Variants in CACNA2D3 observed in about 807,000 individuals in gnomAD.
The protein encoded by CACNA2D3 is calcium voltage-gated channel auxiliary subunit alpha2delta 3.
In CACNA2D3, 60 loss-of-function variants were observed where a neutral mutation model predicts 160.6. The observed-to-expected ratio is 0.37, with a 90% CI of 0.30 to 0.46. The LOEUF (loss-of-function observed/expected upper bound fraction) is 0.46. Among genes scored for constraint, CACNA2D3 ranks in the 20% least tolerant of loss-of-function variants. The pLI is 1.00. For missense variants in CACNA2D3, 1,205 were observed against 1,365.0 expected (o/e 0.88, Z 1.85); for synonymous variants, 558 against 492.9 (o/e 1.13, Z -1.75).
At chr3:55,045,872 G>A (rs1445694682) in intron 35 of CACNA2D3, among the ~76,000 whole-genome samples, 1 of 151,642 alleles carries the variant, frequency 6.6e-6, no homozygotes, top group African/African-American at 2.4e-5. Flanking sequence ...TTTCTCTATT[G>A]TTTTCTATTC....
chr3:54,603,656 G>A (rs571168053), intron 9 of CACNA2D3, among the ~76,000 whole-genome samples: 2 of 152,322 alleles, frequency 1.3e-5, no homozygotes, highest in East Asian at 3.9e-4. Context: ...CAGACATGCT[G>A]GGAAGAGGAG....
At chr3:54,580,114 T>C (rs1702649833) in intron 8 of CACNA2D3, among the ~76,000 whole-genome samples, 1 of 152,034 alleles carries the variant, frequency 6.6e-6, no homozygotes, top group Non-Finnish European at 1.5e-5. Context: ...TCTGGTGTCT[T>C]TGGGCAAGTC....
chr3:54,890,444 C>T (rs917485160), intron 24 of CACNA2D3, among the ~76,000 whole-genome samples: 4 of 139,180 alleles, frequency 2.9e-5, no homozygotes, highest in African/African-American at 1.1e-4. Context: ...TGCAGTGAGC[C>T]GAGATAGCGC....
intron 2 of CACNA2D3, among the ~76,000 whole-genome samples, chr3:54,250,348 G>T (rs1279381349): frequency 6.6e-6 from 1 of 152,110 alleles, no homozygotes; most frequent in Non-Finnish European, 1.5e-5. Context: ...TAAATGGCTT[G>T]ATTTAGCCAT....
chr3:54,740,361 A>G (rs1289385886), intron 11 of CACNA2D3, among the ~76,000 whole-genome samples: 1 of 152,162 alleles, frequency 6.6e-6, no homozygotes, highest in Non-Finnish European at 1.5e-5. Flanking sequence ...TCTCAGGAAC[A>G]TTGACTTGCC....
chr3:54,295,613 T>G (rs1478799870), intron 2 of CACNA2D3, among the ~76,000 whole-genome samples: 1 of 152,188 alleles, frequency 6.6e-6, no homozygotes, highest in Non-Finnish European at 1.5e-5. Context: ...AATTTCTGAT[T>G]AGCCTTTCAC....
At chr3:54,966,571 C>A (rs1229601308) in intron 27 of CACNA2D3, among the ~76,000 whole-genome samples, 1 of 152,178 alleles carries the variant, frequency 6.6e-6, no homozygotes, top group Non-Finnish European at 1.5e-5. Flanking sequence ...GTAATCCCAG[C>A]ACTTTGGGAG....
intron 4 of CACNA2D3, among the ~76,000 whole-genome samples, chr3:54,446,758 C>A (rs574331913): frequency 6.6e-6 from 1 of 152,208 alleles, no homozygotes; most frequent in Non-Finnish European, 1.5e-5. Context: ...CTCCTGACAG[C>A]GCTGGCAGTG....
At chr3:54,458,926 C>T (rs1048929260) in intron 4 of CACNA2D3, among the ~76,000 whole-genome samples, 3 of 151,980 alleles carry the variant, frequency 2.0e-5, no homozygotes, top group African/African-American at 7.3e-5. Flanking sequence ...TCCCAACTTC[C>T]CCCACCCCAC....
intron 4 of CACNA2D3, among the ~76,000 whole-genome samples, chr3:54,484,332 GA>G (rs1346819338): frequency 2.6e-5 from 4 of 152,108 alleles, no homozygotes; most frequent in Non-Finnish European, 5.9e-5. Flanking sequence ...CAGCCTGTTG[GA>G]AATCCAGCAC....
At chr3:54,296,163 G>T (rs1307831600) in intron 2 of CACNA2D3, among the ~76,000 whole-genome samples, 2 of 152,206 alleles carry the variant, frequency 1.3e-5, no homozygotes, top group Non-Finnish European at 1.5e-5. Flanking sequence ...TTTGGAAGAC[G>T]CCTGGGCACT....
At chr3:54,992,610 T>C (rs541549636) in intron 31 of CACNA2D3, among the ~76,000 whole-genome samples, 1 of 152,212 alleles carries the variant, frequency 6.6e-6, no homozygotes, top group African/African-American at 2.4e-5. Flanking sequence ...CGTCTCTTCC[T>C]AGAGGGAAGA....
chr3:54,784,426 G>A (rs79085972), intron 13 of CACNA2D3, among the ~76,000 whole-genome samples: 17,684 of 152,058 alleles, frequency 0.12, 1,372 homozygotes, highest in Non-Finnish European at 0.16. Context: ...AGGAGAAGCC[G>A]TGACATTGTC....
chr3:54,210,797 T>G (rs1701358552), intron 2 of CACNA2D3, among the ~76,000 whole-genome samples: 1 of 152,160 alleles, frequency 6.6e-6, no homozygotes, highest in African/African-American at 2.4e-5. Flanking sequence ...CTCCCTGACC[T>G]GTGCTGAGAC....
intron 14 of CACNA2D3, among the ~76,000 whole-genome samples, chr3:54,836,093 G>T (rs917927320): frequency 6.6e-6 from 1 of 152,148 alleles, no homozygotes; most frequent in African/African-American, 2.4e-5. Flanking sequence ...GACAGAGTAG[G>T]GGTTCCTGCC....
chr3:54,700,304 AT>A (rs1700744929), intron 11 of CACNA2D3, among the ~76,000 whole-genome samples: 1 of 152,136 alleles, frequency 6.6e-6, no homozygotes, highest in South Asian at 2.1e-4. Flanking sequence ...TTGTTTATTT[AT>A]GCTCTCCTGT....
intron 2 of CACNA2D3, among the ~76,000 whole-genome samples, chr3:54,311,023 C>A (rs111847857): frequency 6.6e-6 from 1 of 152,162 alleles, no homozygotes; most frequent in Non-Finnish European, 1.5e-5. Context: ...CCGCTTGCCC[C>A]TAGCAAGTGC....
At chr3:54,919,550 C>T (rs924272371) in intron 27 of CACNA2D3, among the ~76,000 whole-genome samples, 2 of 152,132 alleles carry the variant, frequency 1.3e-5, no homozygotes, top group African/African-American at 2.4e-5. Flanking sequence ...ACCCAGTTTC[C>T]ATTACCTGTA....
At chr3:54,789,879 G>C (rs180957454) in intron 13 of CACNA2D3, 2 of 517,362 alleles carry the variant, frequency 3.9e-6, no homozygotes, top group Admixed American at 3.9e-5. Flanking sequence ...AGCAAGTTAA[G>C]GTGACACAGG....
Sources: allele counts gnomAD v4.1 joint callset (sites outside exome capture counted in the v4.1 genomes callset), GRCh38; gene constraint gnomAD v4.1.1; transcripts MANE v1.5; gene names NCBI Gene and HGNC (gene_info 2026-07-23, HGNC 2026-07-21).